The following VPS35L variants were observed in gnomAD, a reference collection of about 807,000 sequenced individuals.
VPS35L encodes the protein VPS35 endosomal protein-sorting factor-like.
In VPS35L, 83 loss-of-function variants were observed where a neutral mutation model predicts 133.0. The ratio of observed to expected loss-of-function variants is 0.62; its 90% CI spans 0.52 to 0.75. The LOEUF (loss-of-function observed/expected upper bound fraction) is 0.75, where lower values mean the gene tolerates loss of function less well. VPS35L is among the 30% of genes least tolerant of loss of function. VPS35L has a pLI of 0.00. For synonymous variants in VPS35L, 423 were observed against 449.9 expected, an observed-to-expected ratio of 0.94 and a Z score of 0.76; for missense variants, 1,083 against 1,206.8, an observed-to-expected ratio of 0.90 and a Z score of 1.52.
intron 10 of VPS35L, 126 bp downstream of exon 10, chr16:19,608,400 C>A: frequency 1.4e-6 from 1 of 734,372 alleles, no homozygotes; most frequent in Non-Finnish European, 2.3e-6. Flanking sequence ...GTTACGGTTG[C>A]TAGCCTGAAA....
Position 19,700,598 on chromosome 16 carries a change from A to G in VPS35L, c.*122A>G, listed in dbSNP as rs1352195351. ...TTTTCTTTTCTTTTTACATATGTACAAATTGTTTTAAGCTTTGGCCTCTAT... is the reference window on the plus strand; with the variant it reads ...TTTTCTTTTCTTTTTACATATGTACGAATTGTTTTAAGCTTTGGCCTCTAT... On this transcript the variant is annotated 3_prime_UTR_variant, in exon 31 of 31. Transcript: ENST00000417362. The G allele has an allele frequency of 2.5e-6, 2 of 799,978 alleles. No homozygotes were observed. The highest frequency in any genetic ancestry group is 4.0e-6 in the Non-Finnish European group (2 of 496,574). The allele number at this position is 799,978 out of a possible 1,614,324, so 49.6% of individuals were successfully genotyped here.
chr16:19,603,081 T>C (rs534463344), intron 9 of VPS35L, among the ~76,000 whole-genome samples: 1 of 152,298 alleles, frequency 6.6e-6, no homozygotes, highest in Admixed American at 6.5e-5. Context: ...TTTAATACTA[T>C]TTAATGTGCA....
At chr16:19,629,021 C>A (rs983122474) in intron 17 of VPS35L, among the ~76,000 whole-genome samples, 7 of 152,122 alleles carry the variant, frequency 4.6e-5, no homozygotes, top group Non-Finnish European at 8.8e-5. Flanking sequence ...AAATATCTAC[C>A]CATCTTGGCC....
intron 3 of VPS35L, among the ~76,000 whole-genome samples, chr16:19,572,787 A>G (rs1484189576): frequency 6.6e-6 from 1 of 152,036 alleles, no homozygotes; most frequent in Admixed American, 6.6e-5. Context: ...GGTTCAAGCG[A>G]TTGTCCTGCC....
intron 15 of VPS35L, among the ~76,000 whole-genome samples, chr16:19,626,551 C>G (rs1973267879): frequency 6.6e-6 from 1 of 152,066 alleles, no homozygotes; most frequent in African/African-American, 2.4e-5. Flanking sequence ...CACCTGAGGT[C>G]AGGAGTTCGA....
At chr16:19,567,012 A>G (rs897346905) in intron 2 of VPS35L, among the ~76,000 whole-genome samples, 2 of 152,008 alleles carry the variant, frequency 1.3e-5, no homozygotes, top group Non-Finnish European at 2.9e-5. Flanking sequence ...TCAGCCTCCC[A>G]AAGTGCTGGG....
At chr16:19,692,023 C>T (rs918384439) in intron 29 of VPS35L, among the ~76,000 whole-genome samples, 7 of 152,052 alleles carry the variant, frequency 4.6e-5, no homozygotes, top group East Asian at 1.9e-4. Flanking sequence ...TACAGGTGCC[C>T]GCCACCACAC....
At chr16:19,651,096 G>A (rs1430730926) in intron 25 of VPS35L, among the ~76,000 whole-genome samples, 1 of 152,098 alleles carries the variant, frequency 6.6e-6, no homozygotes, top group Non-Finnish European at 1.5e-5. Flanking sequence ...TGGCCAGGCT[G>A]GTTTCGAACT....
rs370275982 is a variant in VPS35L at position 19,690,849 on chromosome 16, G to A, written c.2528-504G>A. ...GTGCTGGCAGGTGCCTATAATTCCA[G>A]CTACTCAAGAGGCTGAGGCAGGAGG... On this transcript the variant is annotated intron_variant, in intron 28 of 30. Transcript: ENST00000417362. 1.1e-4 allele frequency among the ~76,000 whole-genome samples: 17 copies of A among 152,056 alleles called. No individual in the cohort carries two copies. In the East Asian group the frequency reaches 1.5e-3, roughly 14 times the overall value.
intron 9 of VPS35L, among the ~76,000 whole-genome samples, chr16:19,605,972 GAAGTA>G (rs1344089214): frequency 2.6e-5 from 4 of 152,204 alleles, no homozygotes; most frequent in Non-Finnish European, 5.9e-5. Context: ...TTGAGCACAT[GAAGTA>G]AAGGAATATA....
rs374336994 is a variant in VPS35L, at chr16:19,586,376, G to A, written c.639+4723G>A. Among the ~76,000 whole-genome samples the A allele has an allele frequency of 2.9e-4, 44 of 151,992 alleles. 1 individual carries two copies. In the East Asian group the frequency reaches 6.4e-3, roughly 22 times the overall value. On this transcript the variant is annotated intron_variant, in intron 7 of 30. Coordinates refer to ENST00000417362, the MANE Select transcript of VPS35L (RefSeq NM_020314.7). ...TTATTTGAGACAGAGTTTCGCTCTC[G>A]TTGCCCAGGCTGGAGTGCAGTGGCA...
Position 19,629,669 on chromosome 16 carries a change from G to A in VPS35L, c.1501-98G>A, listed in dbSNP as rs1048932372. 1.2e-5 allele frequency: 12 copies of A among 1,002,796 alleles called. 1 individual carries two copies. Among genetic ancestry groups the A allele is most frequent in the Admixed American group, 6.5e-5 (3 of 46,220 alleles). 62.1% of individuals were successfully genotyped at this position (1,002,796 alleles called of 1,614,324 possible). ...CAGTAATTAGCAAAAGGAAATTCCC[G>A]TTTCCAACCATTGAACAGAGCCAGC... On this transcript the variant is annotated intron_variant, in intron 17 of 30. Transcript: ENST00000417362.
intron 6 of VPS35L, among the ~76,000 whole-genome samples, chr16:19,580,628 C>T (rs1293241423): frequency 5.9e-5 from 9 of 152,024 alleles, no homozygotes; most frequent in Non-Finnish European, 8.8e-5. Context: ...ATCCCCATGA[C>T]GATCCCTTGC....
intron 14 of VPS35L, among the ~76,000 whole-genome samples, chr16:19,621,011 A>T (rs1410765328): frequency 6.6e-6 from 1 of 152,062 alleles, no homozygotes; most frequent in African/African-American, 2.4e-5. Flanking sequence ...AAAAACAGAC[A>T]TCTGTCAGTT....
chr16:19,668,591 A>T (rs1029780294), intron 26 of VPS35L, among the ~76,000 whole-genome samples: 1 of 147,402 alleles, frequency 6.8e-6, no homozygotes, highest in African/African-American at 2.5e-5. Flanking sequence ...CTTTAAGCTG[A>T]GTGTGTGTGT....
intron 3 of VPS35L, 43 bp from the exon 4 acceptor site, chr16:19,573,075 CA>C: frequency 3.1e-6 from 5 of 1,592,928 alleles, no homozygotes; most frequent in Non-Finnish European, 4.3e-6. Flanking sequence ...ATTTAAAGAT[CA>C]AAATGATATT....
chr16:19,655,551 G>A (rs574995162), intron 26 of VPS35L, among the ~76,000 whole-genome samples: 37 of 152,290 alleles, frequency 2.4e-4, no homozygotes, highest in South Asian at 2.3e-3. Context: ...GCTTTCCCAA[G>A]GCTGGGTCCA....
At chr16:19,652,167 T>C in intron 26 of VPS35L, 77 bp downstream of exon 26, 4 of 1,008,966 alleles carry the variant, frequency 4.0e-6, no homozygotes, top group South Asian at 1.4e-5. Context: ...CGTATGTGTG[T>C]AGAGAGAGAC....
chr16:19,676,339 G>A (rs1266790415), intron 27 of VPS35L, among the ~76,000 whole-genome samples: 1 of 152,204 alleles, frequency 6.6e-6, no homozygotes, highest in African/African-American at 2.4e-5. Context: ...TTACAAATGT[G>A]GGAGTAAACA....
Sources: gnomAD v4.1 joint callset for allele counts (sites outside exome capture counted in the v4.1 genomes callset) on GRCh38, gnomAD v4.1.1 for gene constraint, MANE v1.5 for transcripts, NCBI Gene and HGNC (gene_info 2026-07-23, HGNC 2026-07-21) for gene names.